Variants in KEL observed in about 807,000 individuals in gnomAD.
The protein encoded by KEL is Kell metallo-endopeptidase (Kell blood group).
In KEL, 96 loss-of-function variants were observed where a neutral mutation model predicts 99.5. The ratio of observed to expected loss-of-function variants is 0.97; its 90% CI spans 0.82 to 1.14. The LOEUF is 1.14. Among genes scored for constraint, KEL ranks in the 50% most tolerant of loss-of-function variants. The probability of loss-of-function intolerance (pLI) is 0.00; values close to 1 mark genes in which losing one functional copy is unlikely to be tolerated. For missense variants in KEL, 926 were observed against 924.2 expected (o/e 1.00, Z -0.03); for synonymous variants, 355 against 354.8 (o/e 1.00, Z -0.01).
Position 142,944,373 on chromosome 7 carries a change from C to G in KEL, c.1441G>C (p.Ala481Pro). ...TCTGGCTTCAGGGCCCATTCTGAAG[C>G]CCCCATCTCCACCTGCAGTTGAGCA... ...KVAQLQVEMG[A>P]SEWALKPELA... is the part of the protein sequence containing the mutation. The change falls in exon 13 of 19, where the codon GCT (alanine) becomes CCT (proline). Residue 481 changes from alanine to proline, a missense_variant. Coordinates refer to ENST00000355265, the MANE Select transcript of KEL (RefSeq NM_000420.3). 1 of 1,613,876 alleles carries G rather than the reference C, an allele frequency of 6.2e-7. No homozygotes were observed. Among genetic ancestry groups the G allele is most frequent in the Non-Finnish European group, 8.5e-7 (1 of 1,179,736 alleles).
chr7:142,958,946 T>C (rs1447432909), intron 4 of KEL, among the ~76,000 whole-genome samples: 1 of 152,202 alleles, frequency 6.6e-6, no homozygotes, highest in African/African-American at 2.4e-5. Flanking sequence ...AATTCACCTG[T>C]ACCCTGGAAG....
chr7:142,943,756 G>A (rs1562957183), intron 14 of KEL, 27 bp downstream of exon 14: 1 of 1,593,290 alleles, frequency 6.3e-7, no homozygotes, highest in Non-Finnish European at 8.6e-7. Context: ...CTGGGATGGA[G>A]TGCCTGTGTC....
intron 11 of KEL, 104 bp from the exon 12 acceptor site, chr7:142,944,845 G>A: frequency 1.2e-6 from 1 of 851,352 alleles, no homozygotes; most frequent in East Asian, 2.6e-5. Context: ...GCCCCAAGGA[G>A]CTGCCTGGGC....
At chr7:142,953,776 C>T in intron 9 of KEL, 32 bp downstream of exon 9, 1 of 1,613,150 alleles carries the variant, frequency 6.2e-7, no homozygotes. Context: ...TCCTCCATTT[C>T]CATGATCTCC....
chr7:142,948,494 C>G (rs1383229897), intron 10 of KEL, among the ~76,000 whole-genome samples: 1 of 152,058 alleles, frequency 6.6e-6, no homozygotes, highest in Non-Finnish European at 1.5e-5. Flanking sequence ...TTTGACCAAT[C>G]TTCTATAGGA....
intron 10 of KEL, among the ~76,000 whole-genome samples, chr7:142,949,501 A>G (rs1195127430): frequency 6.6e-6 from 1 of 152,022 alleles, no homozygotes; most frequent in Non-Finnish European, 1.5e-5. Context: ...AACATATTTT[A>G]TTATTTTATT....
intron 9 of KEL, chr7:142,953,546 C>T (rs947813514): frequency 4.7e-5 from 16 of 339,116 alleles, no homozygotes; most frequent in South Asian, 1.1e-4. Context: ...CAGGAAACCC[C>T]GTGTCTTGGC....
chr7:142,945,321 C>T (rs961777719), intron 11 of KEL, among the ~76,000 whole-genome samples: 1 of 152,202 alleles, frequency 6.6e-6, no homozygotes, highest in Non-Finnish European at 1.5e-5. Flanking sequence ...ATCAGAATGC[C>T]TGAGTTCAAA....
intron 6 of KEL, among the ~76,000 whole-genome samples, chr7:142,954,757 G>A (rs1796786708): frequency 2.6e-5 from 4 of 152,110 alleles, no homozygotes; most frequent in Admixed American, 2.6e-4. Flanking sequence ...ACCAGTGTGG[G>A]TGTGCCCAGC....
chr7:142,949,427 A>G (rs187456474), intron 10 of KEL, among the ~76,000 whole-genome samples: 3 of 152,326 alleles, frequency 2.0e-5, no homozygotes, highest in Admixed American at 2.0e-4. Flanking sequence ...AAGAATCCTA[A>G]CTACCACTCA....
At chr7:142,961,591 C>T (rs1796961421) in intron 2 of KEL, 90 bp from the exon 3 acceptor site, 1 of 1,439,052 alleles carries the variant, frequency 6.9e-7, no homozygotes, top group South Asian at 1.2e-5. Flanking sequence ...TCTGTTGGTG[C>T]TACAGTCCCT....
At chr7:142,942,118 T>C in intron 18 of KEL, 1 of 427,646 alleles carries the variant, frequency 2.3e-6, no homozygotes, top group South Asian at 2.8e-5. Flanking sequence ...CACAGGCTCA[T>C]TTTTAAGGCA....
intron 18 of KEL, chr7:142,942,127 C>T (rs1796376099): frequency 2.2e-6 from 1 of 453,092 alleles, no homozygotes; most frequent in African/African-American, 2.0e-5. Flanking sequence ...ATTTTTAAGG[C>T]ATCTGTATTT....
chr7:142,945,785 C>T (rs536032662), intron 11 of KEL, among the ~76,000 whole-genome samples: 7 of 152,098 alleles, frequency 4.6e-5, no homozygotes, highest in Non-Finnish European at 7.4e-5. Flanking sequence ...TGCACCACCA[C>T]GCCCAGCTAA....
At chr7:142,946,677 A>C in intron 10 of KEL, 5 of 324,652 alleles carry the variant, frequency 1.5e-5, no homozygotes, top group East Asian at 1.3e-4. Flanking sequence ...CCCCACCACC[A>C]CTCTACTCCG....
chr7:142,946,210 A>C lies in KEL; in HGVS notation c.1311T>G (p.Ser437Arg), dbSNP rs745532019. Residue 437 changes from serine to arginine, a missense_variant, in exon 11 of 19, where the codon AGT (serine) becomes AGG (arginine). Coordinates refer to ENST00000355265, the MANE Select transcript of KEL (RefSeq NM_000420.3). ...VREAFGPSTR[S>R]AAMKLFTAIR... ...GCTGGGAAGAGCTCTCACATACAGC[A>C]CTTCGGGTGCTCGGGCCAAAGGCCT... 1.2e-6 allele frequency: 2 copies of C among 1,609,214 alleles called. No homozygotes were observed. The highest frequency in any genetic ancestry group is 1.7e-6 in the Non-Finnish European group (2 of 1,175,800).
chr7:142,943,909 G>C (rs1796441000), intron 13 of KEL, 26 bp from the exon 14 acceptor site: 2 of 1,589,604 alleles, frequency 1.3e-6, no homozygotes, highest in African/African-American at 2.7e-5. Context: ...GAGGTGACTT[G>C]GGCACACAGA....
Position 142,942,508 on chromosome 7 carries a change from G to A in KEL, c.1963C>T (p.Arg655Trp), listed in dbSNP as rs370938244. ...ALQAYSKRLL[R>W]HHGETVLPSL... Reference sequence around the variant, plus strand: ...GGCAGGACAGTCTCCCCATGGTGCCGTAACAGCCTCTTGCTGTATGCCTGG... The same window carrying A: ...GGCAGGACAGTCTCCCCATGGTGCCATAACAGCCTCTTGCTGTATGCCTGG... The change falls in exon 18 of 19, where the codon CGG becomes TGG. Residue 655 changes from arginine to tryptophan, a missense_variant. Arg to Trp is a moderately radical substitution (Grantham distance 101, BLOSUM62 -3). Coordinates refer to ENST00000355265, the MANE Select transcript of KEL (RefSeq NM_000420.3). The A allele has an allele frequency of 2.8e-5, 45 of 1,608,832 alleles. No individual in the cohort carries two copies. Among genetic ancestry groups the A allele is most frequent in the Middle Eastern group, 1.6e-4 (1 of 6,076 alleles).
intron 18 of KEL, among the ~76,000 whole-genome samples, chr7:142,941,701 A>C (rs1055804941): frequency 6.6e-6 from 1 of 151,858 alleles, no homozygotes; most frequent in Non-Finnish European, 1.5e-5. Flanking sequence ...CTGGCACCTG[A>C]GTCTGTTGAG....
Sources: allele counts gnomAD v4.1 joint callset (sites outside exome capture counted in the v4.1 genomes callset), GRCh38; gene constraint gnomAD v4.1.1; transcripts MANE v1.5; gene names NCBI Gene and HGNC (gene_info 2026-07-23, HGNC 2026-07-21).